Variants in SLCO1A2 observed in about 807,000 individuals in gnomAD.
SLCO1A2 encodes the protein solute carrier organic anion transporter family member 1A2, also known as OATP-1.
A neutral mutation model predicts 69.0 loss-of-function variants in SLCO1A2; 67 were observed. The observed-to-expected ratio is 0.97, with a 90% CI of 0.80 to 1.19. SLCO1A2 has a LOEUF of 1.19. Ranked by LOEUF, SLCO1A2 falls within the 50% of genes most tolerant of loss-of-function variation. The probability of loss-of-function intolerance (pLI) is 0.00; values close to 1 mark genes in which losing one functional copy is unlikely to be tolerated. For missense variants in SLCO1A2, 787 were observed against 793.7 expected, an observed-to-expected ratio of 0.99 and a Z score of 0.10; for synonymous variants, 260 against 265.9, an observed-to-expected ratio of 0.98 and a Z score of 0.22.
At chr12:21,272,849 A>C (rs1943123138) in intron 14 of SLCO1A2, among the ~76,000 whole-genome samples, 1 of 152,136 alleles carries the variant, frequency 6.6e-6, no homozygotes, top group African/African-American at 2.4e-5. Flanking sequence ...TATTGGTTGG[A>C]ATAAATCTAA....
At chr12:21,284,268 T>C (rs1945325413) in intron 12 of SLCO1A2, among the ~76,000 whole-genome samples, 1 of 152,100 alleles carries the variant, frequency 6.6e-6, no homozygotes. Context: ...GGAGCCAAGA[T>C]GGCCAAATAG....
Position 21,300,540 on chromosome 12 carries a change from G to T in SLCO1A2, c.718C>A (p.Arg240Ser). 3.1e-6 allele frequency: 5 copies of T among 1,612,394 alleles called. No individual in the cohort carries two copies. The highest frequency in any genetic ancestry group is 4.2e-6 in the Non-Finnish European group (5 of 1,179,230). Residue 240 changes from arginine to serine, a missense_variant, in exon 8 of 15, where the codon CGT becomes AGT. By Grantham distance (110) the Arg-to-Ser change is moderately radical. Transcript: ENST00000683939. ...DDLIITPTDT[R>S]WVGAWWFGFL... is the part of the protein sequence containing the mutation. ...CCAAACCACCATGCACCGACCCAAC[G>T]AGTGTCAGTGGGAGTTATGATCAGA... is the stretch of plus-strand genomic sequence containing the variant.
intron 4 of SLCO1A2, 101 bp downstream of exon 4, chr12:21,314,448 C>T (rs1325062447): frequency 1.6e-6 from 2 of 1,262,536 alleles, no homozygotes; most frequent in East Asian, 2.3e-5. Context: ...CATTACAGTG[C>T]CCTATGCTGT....
intron 8 of SLCO1A2, 132 bp from the exon 9 acceptor site, chr12:21,297,700 C>T: frequency 3.3e-6 from 2 of 608,716 alleles, no homozygotes; most frequent in Non-Finnish European, 5.3e-6. Flanking sequence ...TTTGCTAATT[C>T]TTTTTTCCCC....
At chr12:21,408,711 T>C (rs7135807) in intron 1 of SLCO1A2, among the ~76,000 whole-genome samples, 88,355 of 143,994 alleles carry the variant, frequency 0.61, 26,098 homozygotes, top group Middle Eastern at 0.73. Context: ...CCTCAGCGCA[T>C]GCGTGTGTGT....
intron 1 of SLCO1A2, among the ~76,000 whole-genome samples, chr12:21,386,001 T>C (rs1940859700): frequency 6.6e-6 from 1 of 152,228 alleles, no homozygotes; most frequent in Non-Finnish European, 1.5e-5. Flanking sequence ...CTTTATTTGA[T>C]TTCAAGTTTA....
intron 1 of SLCO1A2, among the ~76,000 whole-genome samples, chr12:21,413,237 C>CT (rs3983534): frequency 0.016 from 1,630 of 99,358 alleles, 74 homozygotes; most frequent in East Asian, 0.041. Context: ...TTTTCTTTTT[C>CT]TTTTTTTTTT....
chr12:21,414,292 T>TTA (rs1368311440), intron 1 of SLCO1A2, among the ~76,000 whole-genome samples: 2 of 151,226 alleles, frequency 1.3e-5, no homozygotes, highest in Non-Finnish European at 3.0e-5. Context: ...TTTTTTTTTT[T>TTA]AATTTCTTCT....
chr12:21,296,996 C>A (rs192609964), intron 9 of SLCO1A2, among the ~76,000 whole-genome samples: 32 of 151,992 alleles, frequency 2.1e-4, no homozygotes, highest in African/African-American at 7.7e-4. Flanking sequence ...CTAGGGGGAC[C>A]AAAAAATTAA....
chr12:21,407,071 C>T (rs935829593), intron 1 of SLCO1A2, among the ~76,000 whole-genome samples: 11 of 152,018 alleles, frequency 7.2e-5, no homozygotes, highest in South Asian at 2.1e-4. Context: ...AAGGCTTTTA[C>T]GAAACAATTT....
At chr12:21,396,341 G>A (rs1941459184), upstream of SLCO1A2, among the ~76,000 whole-genome samples, 1 of 150,200 alleles carries the variant, frequency 6.7e-6, no homozygotes, top group African/African-American at 2.4e-5. Context: ...AAAAAGAAAT[G>A]AGCAAAGCCT....
chr12:21,277,591 A>G (rs983315870), intron 12 of SLCO1A2, among the ~76,000 whole-genome samples: 2 of 152,078 alleles, frequency 1.3e-5, no homozygotes, highest in Non-Finnish European at 2.9e-5. Flanking sequence ...AGCGGTTCCC[A>G]AACATTTTGC....
Position 21,319,479 on chromosome 12 carries a change from A to T in SLCO1A2, c.61-556T>A, listed in dbSNP as rs1591838577. The T allele has an allele frequency of 1.2e-5, 17 of 1,365,380 alleles. No homozygotes were observed. The South Asian group carries it at 1.5e-4, about 12-fold the overall frequency. The allele number at this position is 1,365,380 out of a possible 1,614,324, so 84.6% of individuals were successfully genotyped here. A position where few individuals can be genotyped will look rare whatever the true frequency, so the allele number is the denominator to read the frequency against. ...CCAGAACAATCTGAGTTATGTCCTCATTCTTCCCATAGTAGGATGCTCTGC... is the reference window on the plus strand; with the variant it reads ...CCAGAACAATCTGAGTTATGTCCTCTTTCTTCCCATAGTAGGATGCTCTGC... On this transcript the variant is annotated intron_variant, in intron 2 of 14. Coordinates refer to ENST00000683939, the MANE Select transcript of SLCO1A2 (RefSeq NM_001386879.1).
At chr12:21,393,560 TA>T in intron 1 of SLCO1A2, among the ~76,000 whole-genome samples, 1 of 152,302 alleles carries the variant, frequency 6.6e-6, no homozygotes, top group Non-Finnish European at 1.5e-5. Flanking sequence ...TTGGCAAAGA[TA>T]AATAAATCTT....
intron 12 of SLCO1A2, among the ~76,000 whole-genome samples, chr12:21,282,119 G>GAAAAAAAAAAAAAAAAAA (rs377032786): frequency 8.6e-6 from 1 of 116,784 alleles, no homozygotes; most frequent in Non-Finnish European, 1.9e-5. Context: ...AGACACATAA[G>GAAAAAAAAAAAAAAAAAA]AAAAAAAAAA....
Position 21,373,856 on chromosome 12 carries a change from A to G in SLCO1A2, c.-63+543T>C, listed in dbSNP as rs992900199. The G allele has an allele frequency of 9.6e-6, 5 of 519,302 alleles. No individual in the cohort carries two copies. In the African/African-American group the frequency reaches 9.6e-5, roughly 10 times the overall value. 32.2% of individuals were successfully genotyped at this position (519,302 alleles called of 1,614,324 possible). A position where few individuals can be genotyped will look rare whatever the true frequency, so the allele number is the denominator to read the frequency against. On this transcript the variant is annotated intron_variant, in intron 2 of 15. Transcript: ENST00000307378. ...TTACTTAGATTTTTGTTTTCCTCAG[A>G]TGTCTCTGGAAATGTTAAAAACTTT... is the stretch of plus-strand genomic sequence containing the variant.
chr12:21,411,253 A>AT (rs1415915866), intron 1 of SLCO1A2, among the ~76,000 whole-genome samples: 1 of 152,076 alleles, frequency 6.6e-6, no homozygotes, highest in Non-Finnish European at 1.5e-5. Flanking sequence ...ATGTTTGGAA[A>AT]TTTTTTTTGA....
At chr12:21,283,372 G>A (rs1345763928) in intron 12 of SLCO1A2, among the ~76,000 whole-genome samples, 1 of 152,130 alleles carries the variant, frequency 6.6e-6, no homozygotes, top group Non-Finnish European at 1.5e-5. Context: ...TCCATAAGCA[G>A]AAGAGTGAAA....
chr12:21,313,492 G>T (rs1429121122), intron 4 of SLCO1A2, among the ~76,000 whole-genome samples: 2 of 151,980 alleles, frequency 1.3e-5, no homozygotes, highest in Admixed American at 6.5e-5. Context: ...TGGGCGGATT[G>T]CTTGAACCCA....
Sources: gnomAD v4.1 joint callset for allele counts (sites outside exome capture counted in the v4.1 genomes callset) on GRCh38, gnomAD v4.1.1 for gene constraint, MANE v1.5 for transcripts, NCBI Gene and HGNC (gene_info 2026-07-23, HGNC 2026-07-21) for gene names.